SLC71A2: variants seen among roughly 807,000 people sequenced by gnomAD.
SLC71A2 encodes solute carrier family 71 member 2.
the SLC71A2 span, among the ~76,000 whole-genome samples, chr9:94,400,959 C>CTT: frequency 0.033 from 5,042 of 152,264 alleles, 273 homozygotes; most frequent in African/African-American, 0.11. Flanking sequence ...GTATCTTACA[C>CTT]TTTGTAGCCT....
the SLC71A2 span, chr9:94,456,403 C>G: frequency 1.6e-6 from 2 of 1,282,268 alleles, no homozygotes; most frequent in Non-Finnish European, 2.3e-6. Flanking sequence ...GAAGCAGGAG[C>G]AGCTCTGAGT....
At chr9:94,404,124 C>CTG in the SLC71A2 span, among the ~76,000 whole-genome samples, 1 of 152,124 alleles carries the variant, frequency 6.6e-6, no homozygotes, top group African/African-American at 2.4e-5. Context: ...GCCTCCAAAA[C>CTG]TGAGAAAATA....
the SLC71A2 span, among the ~76,000 whole-genome samples, chr9:94,432,233 G>A: frequency 6.6e-6 from 1 of 152,172 alleles, no homozygotes; most frequent in Non-Finnish European, 1.5e-5. Context: ...AGACGCAGTG[G>A]CTCACGCCTG....
chr9:94,413,013 TA>T, the SLC71A2 span, among the ~76,000 whole-genome samples: 2 of 151,788 alleles, frequency 1.3e-5, no homozygotes, highest in Non-Finnish European at 2.9e-5. Flanking sequence ...TTTTAAAAAA[TA>T]AAATGTATAA....
the SLC71A2 span, among the ~76,000 whole-genome samples, chr9:94,401,639 G>A: frequency 2.0e-5 from 3 of 151,966 alleles, no homozygotes; most frequent in African/African-American, 4.8e-5. Context: ...TTGATTTTGC[G>A]TCAAGGACCA....
chr9:94,426,125 A>G, the SLC71A2 span, among the ~76,000 whole-genome samples: 5 of 148,426 alleles, frequency 3.4e-5, no homozygotes. Context: ...GAAGTACTCT[A>G]TAGGATTATG....
At chr9:94,449,566 G>T in the SLC71A2 span, among the ~76,000 whole-genome samples, 111 of 152,308 alleles carry the variant, frequency 7.3e-4, 1 homozygote, top group South Asian at 0.023. Context: ...TTCTAGGATG[G>T]CTATCAAAAA....
chr9:94,415,094 C>T, the SLC71A2 span: 32 of 1,223,768 alleles, frequency 2.6e-5, 1 homozygote, highest in South Asian at 3.4e-4. Context: ...TTTTTCTATA[C>T]CATTTTAAGA....
chr9:94,435,972 TTTC>T, the SLC71A2 span, among the ~76,000 whole-genome samples: 1 of 37,334 alleles, frequency 2.7e-5, no homozygotes, highest in Non-Finnish European at 5.3e-5. Flanking sequence ...CTTAAAAGGC[TTTC>T]TTTACTTGCT....
At chr9:94,399,107 G>A in the SLC71A2 span, among the ~76,000 whole-genome samples, 1 of 152,136 alleles carries the variant, frequency 6.6e-6, no homozygotes, top group Non-Finnish European at 1.5e-5. Context: ...GTGAGCCATC[G>A]TGCCCGGCCG....
chr9:94,450,735 T>C, the SLC71A2 span, among the ~76,000 whole-genome samples: 1 of 152,138 alleles, frequency 6.6e-6, no homozygotes, highest in African/African-American at 2.4e-5. Context: ...ATGATCCGCC[T>C]GCCTTGGCCT....
chr9:94,379,868 C>T, the SLC71A2 span, among the ~76,000 whole-genome samples: 1,599 of 152,274 alleles, frequency 0.011, 28 homozygotes, highest in African/African-American at 0.037. Context: ...GTGCATACAA[C>T]CTCCTCTACG....
At chr9:94,410,176 G>T in the SLC71A2 span, among the ~76,000 whole-genome samples, 1 of 151,724 alleles carries the variant, frequency 6.6e-6, no homozygotes, top group African/African-American at 2.4e-5. Context: ...GCTCATTGTA[G>T]CCTTAAACTC....
the SLC71A2 span, among the ~76,000 whole-genome samples, chr9:94,403,552 T>A: frequency 0.1 from 15,731 of 151,820 alleles, 1,462 homozygotes; most frequent in East Asian, 0.35. Context: ...ACATGTACCA[T>A]ATTTTGTTTA....
At chr9:94,453,148 CT>C in the SLC71A2 span, among the ~76,000 whole-genome samples, 16,515 of 124,598 alleles carry the variant, frequency 0.13, 872 homozygotes, top group East Asian at 0.31. Context: ...ACTCAGCCAT[CT>C]TTTTTTTTTT....
chr9:94,452,118 T>C, the SLC71A2 span, among the ~76,000 whole-genome samples: 1 of 152,258 alleles, frequency 6.6e-6, no homozygotes, highest in African/African-American at 2.4e-5. Flanking sequence ...TATTTGCTTT[T>C]ACACCAACCA....
At chr9:94,392,881 TTA>T in the SLC71A2 span, among the ~76,000 whole-genome samples, 1 of 151,388 alleles carries the variant, frequency 6.6e-6, no homozygotes, top group Non-Finnish European at 1.5e-5. Flanking sequence ...AGATTTTACT[TTA>T]TAGGAATGGT....
the SLC71A2 span, among the ~76,000 whole-genome samples, chr9:94,412,373 A>C: frequency 6.6e-6 from 1 of 152,232 alleles, no homozygotes; most frequent in Non-Finnish European, 1.5e-5. Flanking sequence ...TTGGATTCTA[A>C]ATTAGAATGT....
the SLC71A2 span, among the ~76,000 whole-genome samples, chr9:94,425,724 A>C: frequency 1.3e-5 from 2 of 148,532 alleles, no homozygotes; most frequent in Non-Finnish European, 2.9e-5. Context: ...TCTTGTGGCT[A>C]ATGTTGGTCC....
Sources: gnomAD v4.1 joint callset for allele counts (sites outside exome capture counted in the v4.1 genomes callset) on GRCh38, gnomAD v4.1.1 for gene constraint, MANE v1.5 for transcripts, NCBI Gene and HGNC (gene_info 2026-07-23, HGNC 2026-07-21) for gene names.